GPR37: variants seen among roughly 807,000 people sequenced by gnomAD.
GPR37 encodes the protein G protein-coupled receptor 37, also known as prosaposin receptor GPR37.
Under a neutral mutation model 43.6 loss-of-function variants are expected in GPR37, and 20 were observed. That is an observed-to-expected ratio of 0.46 (90% CI 0.32 to 0.67). The LOEUF (loss-of-function observed/expected upper bound fraction) is 0.67. Ranked by LOEUF, GPR37 falls within the 30% of genes least tolerant of loss-of-function variation. The probability of loss-of-function intolerance (pLI) is 0.03; values close to 1 mark genes in which losing one functional copy is unlikely to be tolerated. For synonymous variants in GPR37, 315 were observed against 322.6 expected (o/e 0.98, Z 0.25); for missense variants, 724 against 797.2 (o/e 0.91, Z 1.11).
At chr7:124,754,852 T>C (rs1335418234) in intron 1 of GPR37, among the ~76,000 whole-genome samples, 1 of 152,158 alleles carries the variant, frequency 6.6e-6, no homozygotes, top group Admixed American at 6.6e-5. Context: ...TCTAAATGGC[T>C]GGAGCTTCTA....
At chr7:124,754,728 C>A (rs780855457) in intron 1 of GPR37, among the ~76,000 whole-genome samples, 1 of 152,100 alleles carries the variant, frequency 6.6e-6, no homozygotes, top group Non-Finnish European at 1.5e-5. Flanking sequence ...AAAACAAGGG[C>A]ATTATTGTTA....
Position 124,763,948 on chromosome 7 carries a change from C to G in GPR37, c.1023+6G>C. 1 of 1,613,208 alleles carries G rather than the reference C, an allele frequency of 6.2e-7. No individual in the cohort carries two copies. The highest frequency in any genetic ancestry group is 8.5e-7 in the Non-Finnish European group (1 of 1,179,716). Reference sequence around the variant, plus strand: ...CACTAGCTTGAGAGCCCCTGGAAGGCATTACCTCTATATAGGGCACGATCT... The same window carrying G: ...CACTAGCTTGAGAGCCCCTGGAAGGGATTACCTCTATATAGGGCACGATCT... On this transcript the variant is annotated splice_donor_region_variant and intron_variant, in intron 1 of 1. Coordinates refer to ENST00000303921, the MANE Select transcript of GPR37 (RefSeq NM_005302.5).
chr7:124,764,798 C>T lies in GPR37; in HGVS notation c.179G>A (p.Gly60Glu). ...QRRGRDAWGP[G>E]NSARDVLRAR... ...TCGCAGAACGTCTCTTGCAGAATTT[C>T]CCGGTCCCCAGGCGTCCCTGCCGCG... The change falls in exon 1 of 2, where the codon GGA becomes GAA. Residue 60 changes from glycine to glutamate, a missense_variant. Coordinates refer to ENST00000303921, the MANE Select transcript of GPR37 (RefSeq NM_005302.5). This position sits in a 1 kb window ranked among gnomAD's most constrained non-coding sequence, Gnocchi z 5.4. 6.2e-7 allele frequency: 1 copy of T among 1,613,562 alleles called. No individual in the cohort carries two copies. Among genetic ancestry groups the T allele is most frequent in the East Asian group, 2.2e-5 (1 of 44,868 alleles).
At chr7:124,758,117 A>C (rs4728005) in intron 1 of GPR37, among the ~76,000 whole-genome samples, 109,434 of 151,992 alleles carry the variant, frequency 0.72, 39,482 homozygotes, top group East Asian at 0.81. Flanking sequence ...TGATCAATGG[A>C]AAAGGAAACT....
chr7:124,760,694 T>A (rs1793841461), intron 1 of GPR37, among the ~76,000 whole-genome samples: 1 of 152,194 alleles, frequency 6.6e-6, no homozygotes, highest in Admixed American at 6.5e-5. Context: ...TTGTGCTTCA[T>A]ACAGGTTGGT....
Position 124,764,910 on chromosome 7 carries a change from A to G in GPR37, c.67T>C (p.Ser23Pro). ...GCGACCCCGAGGGCAGAAGAGGCAGACACCTTGAGCAGTAGCAGAAGCAGT... is the reference window on the plus strand; with the variant it reads ...GCGACCCCGAGGGCAGAAGAGGCAGGCACCTTGAGCAGTAGCAGAAGCAGT... The part of the protein sequence containing the change: ...RLLLLLLLKV[S>P]ASSALGVAPA... Residue 23 changes from serine to proline, a missense_variant, in exon 1 of 2, where the codon TCT (serine) becomes CCT (proline). Coordinates refer to ENST00000303921, the MANE Select transcript of GPR37 (RefSeq NM_005302.5). The surrounding 1 kb of genome is among the most constrained non-coding windows in gnomAD (Gnocchi z 5.4). The G allele has an allele frequency of 6.3e-7, 1 of 1,594,042 alleles. No individual in the cohort carries two copies. Among genetic ancestry groups the G allele is most frequent in the Non-Finnish European group, 8.5e-7 (1 of 1,171,596 alleles).
At chr7:124,756,417 T>C (rs917081532) in intron 1 of GPR37, among the ~76,000 whole-genome samples, 1 of 152,112 alleles carries the variant, frequency 6.6e-6, no homozygotes, top group Non-Finnish European at 1.5e-5. Flanking sequence ...AAGTATTCTG[T>C]CTCAAGAACA....
chr7:124,764,134 C>G lies in GPR37; in HGVS notation c.843G>C (p.Ala281=), dbSNP rs1478225745. The G allele has an allele frequency of 6.2e-7, 1 of 1,609,448 alleles. No homozygotes were observed. The highest frequency in any genetic ancestry group is 8.5e-7 in the Non-Finnish European group (1 of 1,177,230). The change falls in exon 1 of 2, where the codon GCG becomes GCC. Residue 281 remains alanine, a synonymous_variant. Coordinates refer to ENST00000303921, the MANE Select transcript of GPR37 (RefSeq NM_005302.5). This position sits in a 1 kb window ranked among gnomAD's most constrained non-coding sequence, Gnocchi z 5.4. ...IFGTGIIGNL[A]VMCIVCHNYY... is the part of the protein sequence containing the mutation. ...AGTTGTGGCACACGATGCACATCAC[C>G]GCCAGGTTGCCAATGATGCCGGTCC...
At chr7:124,758,859 G>T (rs1229573662) in intron 1 of GPR37, among the ~76,000 whole-genome samples, 1 of 152,016 alleles carries the variant, frequency 6.6e-6, no homozygotes, top group Non-Finnish European at 1.5e-5. Context: ...ATAATTATTT[G>T]AAGCCTTCTG....
At chr7:124,747,602 T>C (rs914540731) in intron 1 of GPR37, among the ~76,000 whole-genome samples, 1 of 152,012 alleles carries the variant, frequency 6.6e-6, no homozygotes, top group African/African-American at 2.4e-5. Context: ...ACTGGAAGGA[T>C]CCATAAAGAT....
chr7:124,754,576 AC>A (rs2116317898), intron 1 of GPR37, among the ~76,000 whole-genome samples: 1 of 152,280 alleles, frequency 6.6e-6, no homozygotes, highest in East Asian at 1.9e-4. Context: ...CAGTGAAGTG[AC>A]TAGAATACAC....
In GPR37 at chr7:124,746,467, A is replaced by T; in HGVS notation, c.*58T>A. 1 of 1,295,930 alleles carries T rather than the reference A, an allele frequency of 7.7e-7. No individual in the cohort carries two copies. The highest frequency in any genetic ancestry group is 1.0e-6 in the Non-Finnish European group (1 of 955,242). The allele number at this position is 1,295,930 out of a possible 1,614,324, so 80.3% of individuals were successfully genotyped here. On this transcript the variant is annotated 3_prime_UTR_variant, in exon 2 of 2. Coordinates refer to ENST00000303921, the MANE Select transcript of GPR37 (RefSeq NM_005302.5). Reference sequence around the variant, plus strand: ...CCTATAAGGAAAAATATGAATTAAAAACTTTCACGGGATATGAAAATCAAA... The same window carrying T: ...CCTATAAGGAAAAATATGAATTAAATACTTTCACGGGATATGAAAATCAAA...
intron 1 of GPR37, 30 bp from the exon 2 acceptor site, chr7:124,747,373 C>T (rs758672236): frequency 9.8e-6 from 14 of 1,423,176 alleles, no homozygotes; most frequent in Non-Finnish European, 1.2e-5. Context: ...ACATTTATTC[C>T]CGGTGTCCCC....
chr7:124,754,089 G>A (rs914720313), intron 1 of GPR37, among the ~76,000 whole-genome samples: 2 of 151,922 alleles, frequency 1.3e-5, no homozygotes, highest in African/African-American at 2.4e-5. Context: ...CAAACAGAAA[G>A]AAACTTATAA....
chr7:124,752,629 C>T (rs1354923192), intron 1 of GPR37, among the ~76,000 whole-genome samples: 1 of 152,050 alleles, frequency 6.6e-6, no homozygotes, highest in East Asian at 1.9e-4. Context: ...CACAGTATCT[C>T]CTAGGGAAAT....
rs201272829 is a variant in GPR37, at chr7:124,756,100, C to T, written c.1023+7854G>A. Among the ~76,000 whole-genome samples, 6 of 152,148 alleles carry T rather than the reference C, an allele frequency of 3.9e-5. No homozygotes were observed. The East Asian group carries it at 1.2e-3, about 29-fold the overall frequency. On this transcript the variant is annotated intron_variant, in intron 1 of 1. Transcript: ENST00000303921. ...CTTGATTCAATCTTCTTATAAAAGG[C>T]AGTTATTTCTAAATTGCATATCTTG...
At position 124,754,414 on chromosome 7, in the gene GPR37, A is replaced by T. The variant is rs551797638; in HGVS notation, c.1024-7071T>A. On this transcript the variant is annotated intron_variant, in intron 1 of 1. Transcript: ENST00000303921. ...GAGTAAGACGTGAAGTAGACAACAC[A>T]GAGCCCATAAAATACAAATCATAAA... 2.6e-4 allele frequency among the ~76,000 whole-genome samples: 39 copies of T among 152,312 alleles called. No individual in the cohort carries two copies. In the South Asian group the frequency reaches 8.1e-3, roughly 32 times the overall value.
intron 1 of GPR37, among the ~76,000 whole-genome samples, chr7:124,760,896 G>A (rs1385160232): frequency 2.0e-5 from 3 of 152,098 alleles, no homozygotes; most frequent in Admixed American, 1.3e-4. Context: ...GGTGGCTCAC[G>A]CCTGTAATCC....
At chr7:124,758,373 C>T (rs1445877348) in intron 1 of GPR37, among the ~76,000 whole-genome samples, 2 of 152,196 alleles carry the variant, frequency 1.3e-5, no homozygotes, top group Non-Finnish European at 2.9e-5. Context: ...ATATATTGAG[C>T]ACATTTTCCC....
Sources: gnomAD v4.1 joint callset for allele counts (sites outside exome capture counted in the v4.1 genomes callset) on GRCh38, gnomAD v4.1.1 for gene constraint, Gnocchi (gnomAD v3.1) non-coding constraint, MANE v1.5 for transcripts, NCBI Gene and HGNC (gene_info 2026-07-23, HGNC 2026-07-21) for gene names.